RDX: variants seen among roughly 807,000 people sequenced by gnomAD.
RDX encodes the protein deafness, autosomal recessive 24.
In RDX, 32 loss-of-function variants were observed where a neutral mutation model predicts 83.7. That is an observed-to-expected ratio of 0.38 (90% confidence interval 0.29 to 0.51). The LOEUF (loss-of-function observed/expected upper bound fraction) is 0.51. Among genes scored for constraint, RDX ranks in the 20% least tolerant of loss-of-function variants. The pLI, the probability that RDX is intolerant of heterozygous loss-of-function variation, is 0.87. For missense variants in RDX, 600 were observed against 689.9 expected, an observed-to-expected ratio of 0.87 and a Z score of 1.46; for synonymous variants, 229 against 222.7, an observed-to-expected ratio of 1.03 and a Z score of -0.25.
chr11:110,219,189 T>C (rs969811797), intron 14 of RDX, among the ~76,000 whole-genome samples: 1 of 152,152 alleles, frequency 6.6e-6, no homozygotes, highest in African/African-American at 2.4e-5. Context: ...GAGTGAATCA[T>C]AACAATATCT....
intron 1 of RDX, among the ~76,000 whole-genome samples, chr11:110,294,147 A>C (rs1028991740): frequency 1.3e-5 from 2 of 152,252 alleles, no homozygotes; most frequent in African/African-American, 2.4e-5. Context: ...TAATCCCAGC[A>C]CTTTGGGAGG....
chr11:110,257,491 C>G (rs549716797), intron 7 of RDX, among the ~76,000 whole-genome samples: 66 of 152,152 alleles, frequency 4.3e-4, no homozygotes, highest in Non-Finnish European at 8.7e-4. Context: ...AATTAAGTTA[C>G]TAGACATAAC....
chr11:110,286,055 A>T (rs976993381), intron 1 of RDX, among the ~76,000 whole-genome samples: 2 of 151,926 alleles, frequency 1.3e-5, no homozygotes, highest in Admixed American at 6.5e-5. Context: ...CCCACTCTTA[A>T]TTCTCTTAAT....
intron 3 of RDX, among the ~76,000 whole-genome samples, chr11:110,266,063 G>A (rs777390159): frequency 3.3e-5 from 5 of 151,976 alleles, no homozygotes; most frequent in African/African-American, 7.3e-5. Flanking sequence ...AGTGGCTCAC[G>A]TCTGTAATCC....
At chr11:110,241,179 A>C (rs1865083705) in intron 10 of RDX, among the ~76,000 whole-genome samples, 1 of 152,208 alleles carries the variant, frequency 6.6e-6, no homozygotes, top group Admixed American at 6.5e-5. Flanking sequence ...TTGGCTATAA[A>C]GACAAAATGT....
At chr11:110,239,878 C>G (rs1212468944) in intron 10 of RDX, among the ~76,000 whole-genome samples, 10 of 148,810 alleles carry the variant, frequency 6.7e-5, no homozygotes, top group African/African-American at 2.5e-4. Context: ...CAGATGCTGG[C>G]GGGGATGTAG....
rs543122254 is a variant in RDX at position 110,279,782 on chromosome 11, T to G, written c.-64-26A>C. On this transcript the variant is annotated intron_variant, in intron 1 of 13. Coordinates refer to ENST00000645495, the MANE Select transcript of RDX (RefSeq NM_002906.4). ...CTGTTAAAAAAAAAAAAGCATAATC[T>G]ATTATCTTTTTATATAAGGTTTCTA... 6 of 781,564 alleles carry G rather than the reference T, an allele frequency of 7.7e-6. No individual in the cohort carries two copies. The African/African-American group carries it at 1.1e-4, about 14-fold the overall frequency. 48.4% of individuals were successfully genotyped at this position (781,564 alleles called of 1,614,324 possible).
rs1591131376 is a variant in RDX at position 110,231,714 on chromosome 11, T to G, written c.*155A>C. The G allele has an allele frequency of 2.2e-5, 18 of 806,194 alleles. No homozygotes were observed. The East Asian group carries it at 4.4e-4, about 20-fold the overall frequency. The allele number at this position is 806,194 out of a possible 1,614,324, so 49.9% of individuals were successfully genotyped here. ...GCATGATATCATACTGCCTTAATGT[T>G]GAAGAGCTCCCCTTAAATTTGTCTT... On this transcript the variant is annotated 3_prime_UTR_variant, in exon 14 of 14. Coordinates refer to ENST00000645495, the MANE Select transcript of RDX (RefSeq NM_002906.4).
chr11:110,240,662 G>A (rs111433676), intron 10 of RDX, among the ~76,000 whole-genome samples: 2 of 147,358 alleles, frequency 1.4e-5, no homozygotes, highest in South Asian at 2.2e-4. Flanking sequence ...GGAGAATGGC[G>A]TGAACCCGGG....
chr11:110,256,854 T>C (rs1341098771), intron 7 of RDX, among the ~76,000 whole-genome samples: 1 of 152,212 alleles, frequency 6.6e-6, no homozygotes, highest in Non-Finnish European at 1.5e-5. Flanking sequence ...AATAGTAAAA[T>C]GCTCTTGTTT....
intron 14 of RDX, among the ~76,000 whole-genome samples, chr11:110,223,013 C>G (rs57387581): frequency 6.6e-6 from 1 of 152,206 alleles, no homozygotes; most frequent in African/African-American, 2.4e-5. Context: ...CTTTTACATA[C>G]AATGAACGAT....
At chr11:110,228,604 T>C (rs1045215398), downstream of RDX, among the ~76,000 whole-genome samples, 1 of 152,038 alleles carries the variant, frequency 6.6e-6, no homozygotes, top group Admixed American at 6.6e-5. Context: ...ATTGTGCATA[T>C]GTAAAATGGG....
At chr11:110,263,271 T>G (rs994998684) in intron 5 of RDX, 2 of 148,596 alleles carry the variant, frequency 1.3e-5, no homozygotes, top group African/African-American at 5.0e-5. Flanking sequence ...AGAGTGAGGC[T>G]CTATCTCGGG....
chr11:110,265,608 A>G (rs750316689), intron 3 of RDX, among the ~76,000 whole-genome samples: 26 of 152,156 alleles, frequency 1.7e-4, no homozygotes, highest in Non-Finnish European at 1.8e-4. Context: ...TTTTGGTGAT[A>G]AGAAAAGTCT....
rs181532362 is a variant in RDX, at chr11:110,257,056, G to T, written c.698+711C>A. Among the ~76,000 whole-genome samples, 8 of 151,920 alleles carry T rather than the reference G, an allele frequency of 5.3e-5. No individual in the cohort carries two copies. In the East Asian group the frequency reaches 1.2e-3, roughly 22 times the overall value. On this transcript the variant is annotated intron_variant, in intron 7 of 13. Coordinates refer to ENST00000645495, the MANE Select transcript of RDX (RefSeq NM_002906.4). ...ACAATTGAGTTATTAATCCTGAAAA[G>T]TAAGAGTCTGATGTATTTTATATTG...
intron 14 of RDX, among the ~76,000 whole-genome samples, chr11:110,213,069 T>C (rs1213488768): frequency 2.0e-5 from 3 of 151,228 alleles, no homozygotes; most frequent in Non-Finnish European, 4.4e-5. Flanking sequence ...GACAACATGA[T>C]TGTATATCTA....
intron 1 of RDX, among the ~76,000 whole-genome samples, chr11:110,292,400 G>A (rs1256315150): frequency 6.6e-6 from 1 of 152,106 alleles, no homozygotes; most frequent in East Asian, 1.9e-4. Flanking sequence ...AGCCCAGGAG[G>A]TCAAGGCTGC....
intron 2 of RDX, chr11:110,272,953 A>G (rs939407725): frequency 1.3e-5 from 6 of 459,980 alleles, no homozygotes; most frequent in Non-Finnish European, 1.7e-5. Flanking sequence ...AGAGCTGGAC[A>G]TGGTGCCTCA....
chr11:110,248,045 A>G (rs1859186578), intron 9 of RDX, among the ~76,000 whole-genome samples: 1 of 152,184 alleles, frequency 6.6e-6, no homozygotes, highest in Non-Finnish European at 1.5e-5. Context: ...GAGGATGCAA[A>G]GACAGAGTAA....
Sources: gnomAD v4.1 joint callset for allele counts (sites outside exome capture counted in the v4.1 genomes callset) on GRCh38, gnomAD v4.1.1 for gene constraint, MANE v1.5 for transcripts, NCBI Gene and HGNC (gene_info 2026-07-23, HGNC 2026-07-21) for gene names.